The following NFIB variants were observed in gnomAD, a reference collection of about 807,000 sequenced individuals.
NFIB encodes nuclear factor 1 B-type.
NFIB carries 11 observed loss-of-function variants against 61.5 expected under a neutral mutation model. The observed-to-expected ratio is 0.18, with a 90% CI of 0.11 to 0.30. The LOEUF is 0.30. NFIB is among the 10% of genes least tolerant of loss of function. The pLI, the probability that NFIB is intolerant of heterozygous loss-of-function variation, is 1.00. For synonymous variants in NFIB, 260 were observed against 216.5 expected, an observed-to-expected ratio of 1.20 and a Z score of -1.76; for missense variants, 471 against 608.9, an observed-to-expected ratio of 0.77 and a Z score of 2.38.
At chr9:14,379,448 G>A (rs1027432402) in intron 1 of NFIB, among the ~76,000 whole-genome samples, 3 of 152,156 alleles carry the variant, frequency 2.0e-5, no homozygotes, top group Non-Finnish European at 2.9e-5. Flanking sequence ...ACTATTTGTG[G>A]TGTGCTGTAA....
At chr9:14,397,632 T>C (rs1588422430) in intron 1 of NFIB, among the ~76,000 whole-genome samples, 1 of 152,274 alleles carries the variant, frequency 6.6e-6, no homozygotes, top group Middle Eastern at 3.4e-3. Flanking sequence ...TTCAAGACCA[T>C]ATGAAGTCAT....
chr9:14,297,166 T>A (rs2059493684), intron 2 of NFIB, among the ~76,000 whole-genome samples: 1 of 152,184 alleles, frequency 6.6e-6, no homozygotes, highest in Admixed American at 6.5e-5. Flanking sequence ...CTAAAGAGAT[T>A]TTTAAATCCT....
intron 6 of NFIB, among the ~76,000 whole-genome samples, chr9:14,135,284 CT>C (rs2040913665): frequency 6.6e-6 from 1 of 152,154 alleles, no homozygotes; most frequent in Non-Finnish European, 1.5e-5. Flanking sequence ...CAAAGCTGGG[CT>C]GACAATATTG....
chr9:14,204,997 C>G, intron 2 of NFIB: 1 of 275,242 alleles, frequency 3.6e-6, no homozygotes, highest in Non-Finnish European at 7.2e-6. Flanking sequence ...CTTACATTGC[C>G]AAGCTCAAAA....
chr9:14,360,807 G>A (rs957104703), intron 1 of NFIB, among the ~76,000 whole-genome samples: 2 of 151,988 alleles, frequency 1.3e-5, no homozygotes, highest in African/African-American at 2.4e-5. Context: ...GCCTCCCAAA[G>A]CCTGGGCCTC....
rs116465539 is a variant in NFIB at position 14,356,622 on chromosome 9, C to G, written c.108+41902G>C. ...TCTCCTGTTTTTTGCCTGGGGTTTA[C>G]GAGCAGGACTCCTCTCTTGCACTCC... On this transcript the variant is annotated intron_variant, in intron 1 of 8. Transcript: ENST00000380934. Among the ~76,000 whole-genome samples the G allele has an allele frequency of 2.0e-5, 3 of 151,932 alleles. 1 individual carries two copies. Among genetic ancestry groups the G allele is most frequent in the African/African-American group, 4.8e-5 (2 of 41,412 alleles).
At chr9:14,295,924 T>A (rs557613660) in intron 2 of NFIB, among the ~76,000 whole-genome samples, 9 of 152,298 alleles carry the variant, frequency 5.9e-5, no homozygotes, top group African/African-American at 2.2e-4. Context: ...AAATTTAGTC[T>A]CTGGTAAATC....
chr9:14,315,530 G>A (rs1187385100), upstream of NFIB, among the ~76,000 whole-genome samples: 1 of 140,580 alleles, frequency 7.1e-6, no homozygotes, highest in Non-Finnish European at 1.6e-5. Flanking sequence ...GCCGCGGCGC[G>A]CCCGGGGCTG....
At chr9:14,271,961 T>A (rs2057655848) in intron 2 of NFIB, among the ~76,000 whole-genome samples, 1 of 152,160 alleles carries the variant, frequency 6.6e-6, no homozygotes, top group Admixed American at 6.5e-5. Flanking sequence ...ACCTTAGAAG[T>A]AAAAATAAAA....
intron 2 of NFIB, among the ~76,000 whole-genome samples, chr9:14,237,416 C>T (rs2053845577): frequency 6.6e-6 from 1 of 152,158 alleles, no homozygotes; most frequent in African/African-American, 2.4e-5. Context: ...TGCCGAAGGC[C>T]AGCACACACA....
In NFIB at chr9:14,313,746, C is replaced by T. The variant is rs1030872427; in HGVS notation, c.-235G>A. Reference sequence around the variant, plus strand: ...GGTGAAATCCAATCTACACTTTTAACCCTCTTGCAGTCCGAGCGCGCTGGC... The same window carrying T: ...GGTGAAATCCAATCTACACTTTTAATCCTCTTGCAGTCCGAGCGCGCTGGC... On this transcript the variant is annotated 5_prime_UTR_variant, in exon 1 of 11. Coordinates refer to ENST00000380953, the MANE Select transcript of NFIB (RefSeq NM_001190737.2). The surrounding 1 kb of genome is among the most constrained non-coding windows in gnomAD (Gnocchi z 4.5). The T allele has an allele frequency of 2.2e-6, 3 of 1,383,956 alleles. No individual in the cohort carries two copies. The highest frequency in any genetic ancestry group is 3.1e-5 in the Admixed American group (1 of 32,044). The allele number at this position is 1,383,956 out of a possible 1,614,324, so 85.7% of individuals were successfully genotyped here.
intron 1 of NFIB, among the ~76,000 whole-genome samples, chr9:14,331,876 T>C (rs984678405): frequency 1.3e-5 from 2 of 152,222 alleles, no homozygotes. Context: ...AATAAATATT[T>C]TCTGAATCTA....
At chr9:14,100,953 A>G (rs527811837) in intron 10 of NFIB, among the ~76,000 whole-genome samples, 4 of 152,328 alleles carry the variant, frequency 2.6e-5, no homozygotes, top group South Asian at 2.1e-4. Context: ...TAACTGATAG[A>G]GCATGAAATA....
intron 2 of NFIB, among the ~76,000 whole-genome samples, chr9:14,265,704 GA>G (rs1385448694): frequency 6.6e-6 from 1 of 152,172 alleles, no homozygotes; most frequent in African/African-American, 2.4e-5. Context: ...CTTCTAGGAT[GA>G]ATTCAGTTAT....
chr9:14,140,830 A>T (rs2041612994), intron 6 of NFIB, among the ~76,000 whole-genome samples: 1 of 152,088 alleles, frequency 6.6e-6, no homozygotes, highest in African/African-American at 2.4e-5. Context: ...GCTACCTGTG[A>T]AGCTGAGGTG....
At chr9:14,340,697 A>G (rs1428656967) in intron 1 of NFIB, among the ~76,000 whole-genome samples, 1 of 152,220 alleles carries the variant, frequency 6.6e-6, no homozygotes, top group Non-Finnish European at 1.5e-5. Flanking sequence ...TGTGAATTAC[A>G]TTGCCAGCTC....
intron 2 of NFIB, among the ~76,000 whole-genome samples, chr9:14,289,064 C>G (rs961997299): frequency 7.0e-6 from 1 of 143,824 alleles, no homozygotes; most frequent in African/African-American, 2.6e-5. Context: ...TTTTATTAGT[C>G]ATTAGATTTT....
In NFIB at chr9:14,083,125, T is replaced by C; in HGVS notation, c.*5184A>G. ...AAAAAAAAAAAACTACTTACAACCA[T>C]TGAAGAAAAAATTGCAACAAAAAAT... On this transcript the variant is annotated 3_prime_UTR_variant, in exon 11 of 11. Coordinates refer to ENST00000380953, the MANE Select transcript of NFIB (RefSeq NM_001190737.2). 1 of 214,426 alleles carries C rather than the reference T, an allele frequency of 4.7e-6. No homozygotes were observed. The highest frequency in any genetic ancestry group is 6.9e-5 in the East Asian group (1 of 14,420). 13.3% of individuals were successfully genotyped at this position (214,426 alleles called of 1,614,324 possible).
chr9:14,099,944 C>T (rs1412269187), intron 10 of NFIB, among the ~76,000 whole-genome samples: 3 of 152,072 alleles, frequency 2.0e-5, no homozygotes, highest in Admixed American at 6.6e-5. Context: ...TGGCAGTGCA[C>T]GCCTGTAATC....
Sources: allele counts gnomAD v4.1 joint callset (sites outside exome capture counted in the v4.1 genomes callset), GRCh38; gene constraint gnomAD v4.1.1; non-coding constraint Gnocchi (gnomAD v3.1); transcripts MANE v1.5; gene names NCBI Gene and HGNC (gene_info 2026-07-23, HGNC 2026-07-21).